EFCAB6: variants seen among roughly 807,000 people sequenced by gnomAD.
EFCAB6 encodes the protein EF-hand calcium binding domain 6.
In EFCAB6, 156 loss-of-function variants were observed where a neutral mutation model predicts 169.8. The ratio of observed to expected loss-of-function variants is 0.92; its 90% CI spans 0.81 to 1.05. The LOEUF is 1.05. Among genes scored for constraint, EFCAB6 ranks in the 50% least tolerant of loss-of-function variants. EFCAB6 has a pLI of 0.00. For synonymous variants in EFCAB6, 698 were observed against 676.4 expected, an observed-to-expected ratio of 1.03 and a Z score of -0.50; for missense variants, 1,800 against 1,829.1, an observed-to-expected ratio of 0.98 and a Z score of 0.29.
intron 6 of EFCAB6, among the ~76,000 whole-genome samples, chr22:43,737,994 TCACACACACATGCACATACACTCACA>T (rs1310189681): frequency 8.9e-5 from 13 of 145,844 alleles, no homozygotes; most frequent in African/African-American, 3.1e-4. Flanking sequence ...GCACATATAT[TCACACACACATGCACATACACTCACA>T]CACACACACC....
At chr22:43,782,016 C>G (rs1024665141) in intron 3 of EFCAB6, among the ~76,000 whole-genome samples, 164 bp downstream of exon 3, 1 of 152,134 alleles carries the variant, frequency 6.6e-6, no homozygotes, top group South Asian at 2.1e-4. Flanking sequence ...CAATCTGTGT[C>G]CCAATTTCCC....
At chr22:43,715,775 CAAG>C (rs2059314505) in intron 9 of EFCAB6, among the ~76,000 whole-genome samples, 1 of 152,088 alleles carries the variant, frequency 6.6e-6, no homozygotes, top group East Asian at 1.9e-4. Flanking sequence ...TTTATGAAAA[CAAG>C]AAAGTCATTA....
At chr22:43,535,069 C>T in intron 29 of EFCAB6, 197 bp from the exon 30 acceptor site, 1 of 591,980 alleles carries the variant, frequency 1.7e-6, no homozygotes, top group Non-Finnish European at 2.9e-6. Flanking sequence ...GGAGGGGGAC[C>T]CTGAGTCCCG....
chr22:43,735,464 T>C (rs1477310501), intron 7 of EFCAB6, among the ~76,000 whole-genome samples: 1 of 151,990 alleles, frequency 6.6e-6, no homozygotes, highest in Non-Finnish European at 1.5e-5. Context: ...ATCCTGAAAT[T>C]TGTCATTCTT....
chr22:43,545,266 A>C (rs2047986217), intron 27 of EFCAB6, among the ~76,000 whole-genome samples: 1 of 152,182 alleles, frequency 6.6e-6, no homozygotes, highest in Admixed American at 6.5e-5. Context: ...GCCACAATAC[A>C]ATACAAATAG....
chr22:43,647,688 C>T (rs1254076081), intron 17 of EFCAB6, among the ~76,000 whole-genome samples: 1 of 152,120 alleles, frequency 6.6e-6, no homozygotes, highest in African/African-American at 2.4e-5. Flanking sequence ...GACTGGTGTC[C>T]TTAGAACAAG....
intron 20 of EFCAB6, among the ~76,000 whole-genome samples, chr22:43,617,904 C>G (rs1446974680): frequency 6.6e-6 from 1 of 151,822 alleles, no homozygotes; most frequent in South Asian, 2.1e-4. Context: ...GAGTTTGAGA[C>G]CAGCCTGGCC....
intron 1 of EFCAB6, 39 bp from the exon 2 acceptor site, chr22:43,809,170 T>C (rs1461023773): frequency 6.6e-6 from 1 of 152,150 alleles, no homozygotes; most frequent in African/African-American, 2.4e-5. Context: ...TAGACCTATT[T>C]TTCCAGATGA....
At chr22:43,632,989 A>C (rs1272204525) in intron 18 of EFCAB6, among the ~76,000 whole-genome samples, 2 of 152,230 alleles carry the variant, frequency 1.3e-5, no homozygotes, top group Non-Finnish European at 2.9e-5. Flanking sequence ...GTTAAGTAAG[A>C]TGCTGAGGGC....
intron 20 of EFCAB6, among the ~76,000 whole-genome samples, chr22:43,616,183 A>T (rs2053670369): frequency 6.6e-6 from 1 of 152,256 alleles, no homozygotes; most frequent in South Asian, 2.1e-4. Flanking sequence ...CAAAACAAAC[A>T]GGGCTCATTT....
chr22:43,555,484 GGA>G (rs934833463), intron 26 of EFCAB6, among the ~76,000 whole-genome samples: 1 of 152,196 alleles, frequency 6.6e-6, no homozygotes, highest in Non-Finnish European at 1.5e-5. Flanking sequence ...GAATGAACAG[GGA>G]TTGGCACCCA....
intron 30 of EFCAB6, among the ~76,000 whole-genome samples, chr22:43,534,333 G>T (rs894788183): frequency 2.0e-5 from 3 of 152,180 alleles, no homozygotes; most frequent in African/African-American, 7.2e-5. Flanking sequence ...TGCCATGATT[G>T]TAAGTTTCCT....
At chr22:43,732,896 T>C (rs1195659158) in intron 7 of EFCAB6, among the ~76,000 whole-genome samples, 1 of 152,224 alleles carries the variant, frequency 6.6e-6, no homozygotes, top group Non-Finnish European at 1.5e-5. Flanking sequence ...TTTCTAAAAA[T>C]TGATGGTTTT....
chr22:43,626,147 T>C (rs1489135812), intron 20 of EFCAB6, among the ~76,000 whole-genome samples: 1 of 152,228 alleles, frequency 6.6e-6, no homozygotes, highest in Non-Finnish European at 1.5e-5. Flanking sequence ...CACGTATATA[T>C]GTATATATTT....
chr22:43,561,862 A>T (rs1208937906), intron 26 of EFCAB6, among the ~76,000 whole-genome samples: 1 of 152,194 alleles, frequency 6.6e-6, no homozygotes, highest in Non-Finnish European at 1.5e-5. Flanking sequence ...GATGCAAATG[A>T]CACGTTCCAA....
chr22:43,644,033 C>T (rs531225685), intron 17 of EFCAB6, among the ~76,000 whole-genome samples: 2 of 151,942 alleles, frequency 1.3e-5, no homozygotes, highest in East Asian at 2.0e-4. Flanking sequence ...CATGTTGGCC[C>T]GGCTGGTCTC....
rs1411214112 is a variant in EFCAB6, at chr22:43,534,720, G to A, written c.4201C>T (p.His1401Tyr). 5 of 1,613,018 alleles carry A rather than the reference G, an allele frequency of 3.1e-6. No individual in the cohort carries two copies. In the South Asian group the frequency reaches 3.3e-5, roughly 11 times the overall value. The change falls in exon 30 of 32, where the codon CAC becomes TAC. Residue 1401 changes from histidine (H) to tyrosine (Y), a missense_variant. Coordinates refer to ENST00000262726, the MANE Select transcript of EFCAB6 (RefSeq NM_022785.4). ...TGTGCATTCTGGATCTTCATCCTGT[G>A]CATCAGTGAGCTTTCCTTTGCTTTT... ...LLKAKESSLM[H>Y]RMKIQNAHKM... is the part of the protein sequence containing the mutation.
chr22:43,550,084 A>G (rs1447594639), intron 27 of EFCAB6, among the ~76,000 whole-genome samples: 2 of 152,214 alleles, frequency 1.3e-5, no homozygotes, highest in Non-Finnish European at 2.9e-5. Flanking sequence ...AGGAGTAGGC[A>G]TTGAAAGACA....
chr22:43,554,895 G>A lies in EFCAB6; in HGVS notation c.3622C>T (p.Arg1208Cys), dbSNP rs374118424. ...REEFRAICNRRVQILTDEQFD... is the reference protein window; with the variant it reads ...REEFRAICNRCVQILTDEQFD... ...TGTTCGTCCGTCAGGATTTGGACGC[G>A]GCGATTACAAATGGCCCTAAACTCC... The change falls in exon 27 of 32, where the codon CGC (arginine) becomes TGC (cysteine). Residue 1208 changes from arginine (R) to cysteine (C), a missense_variant. By Grantham distance (180) the Arg-to-Cys change is radical. Coordinates refer to ENST00000262726, the MANE Select transcript of EFCAB6 (RefSeq NM_022785.4). 6.2e-6 allele frequency: 10 copies of A among 1,614,030 alleles called. No individual in the cohort carries two copies. Among genetic ancestry groups the A allele is most frequent in the South Asian group, 2.2e-5 (2 of 91,084 alleles).
Sources: allele counts gnomAD v4.1 joint callset (sites outside exome capture counted in the v4.1 genomes callset), GRCh38; gene constraint gnomAD v4.1.1; transcripts MANE v1.5; gene names NCBI Gene and HGNC (gene_info 2026-07-23, HGNC 2026-07-21).